The following UGGT1 variants were observed in gnomAD, a reference collection of about 807,000 sequenced individuals.
UGGT1 encodes UDP-glucose:glycoprotein glucosyltransferase 1.
A neutral mutation model predicts 203.9 loss-of-function variants in UGGT1; 107 were observed. The ratio of observed to expected loss-of-function variants is 0.52; its 90% CI spans 0.45 to 0.62. UGGT1 has a LOEUF of 0.62. UGGT1 is among the 20% of genes least tolerant of loss of function. The pLI is 0.00. For missense variants in UGGT1, 1,673 were observed against 1,867.2 expected (o/e 0.90, Z 1.92); for synonymous variants, 628 against 653.5 (o/e 0.96, Z 0.59).
chr2:128,156,537 G>T, intron 21 of UGGT1, 122 bp downstream of exon 21: 3 of 692,342 alleles, frequency 4.3e-6, no homozygotes, highest in Non-Finnish European at 7.1e-6. Flanking sequence ...GTAACAGGAA[G>T]CTATATCAAT....
chr2:128,134,806 A>G, intron 14 of UGGT1, 70 bp from the exon 15 acceptor site: 1 of 1,418,266 alleles, frequency 7.1e-7, no homozygotes, highest in East Asian at 2.3e-5. Context: ...AGTGACTCAT[A>G]ACATTTTTCT....
intron 3 of UGGT1, among the ~76,000 whole-genome samples, chr2:128,107,084 C>G (rs958985750): frequency 6.6e-6 from 1 of 150,790 alleles, no homozygotes; most frequent in Middle Eastern, 3.5e-3. Flanking sequence ...CTTCCTTGAC[C>G]CTGTTCCTTC....
At position 128,117,791 on chromosome 2, in the gene UGGT1, C is replaced by T. The variant is rs190364432; in HGVS notation, c.872+1448C>T. On this transcript the variant is annotated intron_variant, in intron 8 of 40. Transcript: ENST00000259253. Reference sequence around the variant, plus strand: ...ATCTTGATCTCCTGACCTCCTGGTCCGCCCGCCTTGGCCTCCCAAAGTGCT... The same window carrying T: ...ATCTTGATCTCCTGACCTCCTGGTCTGCCCGCCTTGGCCTCCCAAAGTGCT... Among the ~76,000 whole-genome samples the T allele has an allele frequency of 9.9e-4, 151 of 151,948 alleles. 1 individual carries two copies. The highest frequency in any genetic ancestry group is 3.5e-3 in the African/African-American group (145 of 41,416).
chr2:128,182,028 C>A lies in UGGT1; in HGVS notation c.4084-102C>A, dbSNP rs562840602. ...AGTGCCTGTGCCACTAACCACGGAG[C>A]AGCCTTCCATGCTGCCTTAAGCGAG... On this transcript the variant is annotated intron_variant, in intron 36 of 40. Transcript: ENST00000259253. The A allele has an allele frequency of 7.7e-6, 9 of 1,164,964 alleles. No individual in the cohort carries two copies. The South Asian group carries it at 1.4e-4, about 18-fold the overall frequency. 72.2% of individuals were successfully genotyped at this position (1,164,964 alleles called of 1,614,324 possible).
chr2:128,181,714 G>A (rs1295498144), intron 36 of UGGT1, among the ~76,000 whole-genome samples: 1 of 152,176 alleles, frequency 6.6e-6, no homozygotes, highest in Non-Finnish European at 1.5e-5. Flanking sequence ...GTGCCTTCCT[G>A]ATTGTAACAT....
At position 128,141,657 on chromosome 2, in the gene UGGT1, C is replaced by A. The variant is rs1009518728; in HGVS notation, c.1720-1437C>A. On this transcript the variant is annotated intron_variant, in intron 16 of 40. Transcript: ENST00000259253. ...ATAGTGGCAGGCACCATGTCTCAGC[C>A]TCCAGAATAGCTGGGATTAGACGCC... Among the ~76,000 whole-genome samples, 7 of 150,862 alleles carry A rather than the reference C, an allele frequency of 4.6e-5. No individual in the cohort carries two copies. The South Asian group carries it at 1.3e-3, about 27-fold the overall frequency.
In UGGT1 at chr2:128,191,493, T is replaced by C. The variant is rs1418853137; in HGVS notation, c.*1751T>C. 2 of 134,690 alleles carry C rather than the reference T, an allele frequency of 1.5e-5. No individual in the cohort carries two copies. The highest frequency in any genetic ancestry group is 3.3e-5 in the Non-Finnish European group (2 of 61,384). The allele number at this position is 134,690 out of a possible 1,614,324, so 8.3% of individuals were successfully genotyped here. A position where few individuals can be genotyped will look rare whatever the true frequency, so the allele number is the denominator to read the frequency against. On this transcript the variant is annotated 3_prime_UTR_variant, in exon 41 of 41. Coordinates refer to ENST00000259253, the MANE Select transcript of UGGT1 (RefSeq NM_020120.4). The stretch of plus-strand genomic sequence containing the variant: ...CTCAGAATGGCTGCTGTGGGCAGAG[T>C]CTGTGACATGACTTTCCCCGCCCTG...
At chr2:128,167,374 G>A (rs1690848934) in intron 26 of UGGT1, among the ~76,000 whole-genome samples, 1 of 152,166 alleles carries the variant, frequency 6.6e-6, no homozygotes, top group Non-Finnish European at 1.5e-5. Context: ...TTAAATGAAT[G>A]TTTATTACAT....
At chr2:128,178,343 C>G (rs1439402820) in intron 33 of UGGT1, 125 bp from the exon 34 acceptor site, 2 of 812,644 alleles carry the variant, frequency 2.5e-6, no homozygotes, top group African/African-American at 1.7e-5. Flanking sequence ...AGCTTCATAA[C>G]CACTCCTGCT....
chr2:128,107,285 A>AT (rs983786911), intron 3 of UGGT1, among the ~76,000 whole-genome samples: 6 of 150,378 alleles, frequency 4.0e-5, no homozygotes, highest in East Asian at 1.9e-4. Context: ...TCGTATTTGG[A>AT]TTTTTTTTTC....
chr2:128,095,047 C>G (rs1687048319), intron 1 of UGGT1, among the ~76,000 whole-genome samples: 1 of 152,110 alleles, frequency 6.6e-6, no homozygotes, highest in Admixed American at 6.6e-5. Context: ...CTGCGCTGGG[C>G]CAGTCCCAAG....
At chr2:128,116,217 T>A (rs1358623895) in intron 7 of UGGT1, 48 bp from the exon 8 acceptor site, 6 of 1,315,640 alleles carry the variant, frequency 4.6e-6, no homozygotes, top group Non-Finnish European at 6.5e-6. Context: ...CGTTTTTGTT[T>A]CAAATCTGAG....
intron 10 of UGGT1, 106 bp from the exon 11 acceptor site, chr2:128,123,079 GT>G (rs1688456179): frequency 4.9e-6 from 4 of 810,136 alleles, no homozygotes; most frequent in African/African-American, 1.8e-5. Context: ...TTCCCATTCA[GT>G]TTTTTCTAAT....
intron 5 of UGGT1, among the ~76,000 whole-genome samples, chr2:128,111,065 AAATG>A (rs759063038): frequency 2.6e-5 from 4 of 152,182 alleles, no homozygotes; most frequent in Non-Finnish European, 2.9e-5. Context: ...AGGAAAACTG[AAATG>A]TTAAGTCCAT....
chr2:128,191,077 G>C lies in UGGT1; in HGVS notation c.*1335G>C, dbSNP rs531973145. ...AGCATCCGACTCCATCTGCCAGGCT[G>C]CAGGGCACAGCAGCACTGGCATAGA... On this transcript the variant is annotated 3_prime_UTR_variant, in exon 41 of 41. Coordinates refer to ENST00000259253, the MANE Select transcript of UGGT1 (RefSeq NM_020120.4). The C allele has an allele frequency of 6.6e-6, 1 of 152,384 alleles. No individual in the cohort carries two copies. Among genetic ancestry groups the C allele is most frequent in the East Asian group, 1.9e-4 (1 of 5,180 alleles). The allele number at this position is 152,384 out of a possible 1,614,324, so 9.4% of individuals were successfully genotyped here. A position where few individuals can be genotyped will look rare whatever the true frequency, so the allele number is the denominator to read the frequency against.
chr2:128,098,917 G>A (rs1259369386), intron 2 of UGGT1, among the ~76,000 whole-genome samples: 1 of 152,138 alleles, frequency 6.6e-6, no homozygotes, highest in Non-Finnish European at 1.5e-5. Context: ...TGAGATACCT[G>A]TCTGTATAGG....
At chr2:128,124,772 GT>G (rs1054546745) in intron 11 of UGGT1, among the ~76,000 whole-genome samples, 1 of 151,446 alleles carries the variant, frequency 6.6e-6, no homozygotes, top group Non-Finnish European at 1.5e-5. Flanking sequence ...ATTTTCAGGG[GT>G]TTTTTTTGTT....
chr2:128,120,497 T>C, intron 9 of UGGT1, 41 bp downstream of exon 9: 1 of 1,549,380 alleles, frequency 6.5e-7, no homozygotes, highest in Non-Finnish European at 8.9e-7. Context: ...ACTTTTTGGC[T>C]AAGTTTTATG....
At chr2:128,170,240 T>G in intron 26 of UGGT1, 48 bp from the exon 27 acceptor site, 1 of 1,565,438 alleles carries the variant, frequency 6.4e-7, no homozygotes, top group South Asian at 1.1e-5. Flanking sequence ...AAAAAACTTT[T>G]GTTTCCTGTG....
Sources: allele counts gnomAD v4.1 joint callset (sites outside exome capture counted in the v4.1 genomes callset), GRCh38; gene constraint gnomAD v4.1.1; transcripts MANE v1.5; gene names NCBI Gene and HGNC (gene_info 2026-07-23, HGNC 2026-07-21).